The following NAALADL2 variants were observed in gnomAD, a reference collection of about 807,000 sequenced individuals.
The protein encoded by NAALADL2 is inactive N-acetylated-alpha-linked acidic dipeptidase-like protein 2.
NAALADL2 carries 76 observed loss-of-function variants against 87.2 expected under a neutral mutation model. That is an observed-to-expected ratio of 0.87 (90% CI 0.72 to 1.05). The LOEUF is 1.05. Among genes scored for constraint, NAALADL2 ranks in the 50% least tolerant of loss-of-function variants. The pLI is 0.00. For missense variants in NAALADL2, 1,089 were observed against 945.8 expected, an observed-to-expected ratio of 1.15 and a Z score of -1.99; for synonymous variants, 354 against 331.0, an observed-to-expected ratio of 1.07 and a Z score of -0.75.
At chr3:175,344,794 A>G (rs557942734) in intron 5 of NAALADL2, among the ~76,000 whole-genome samples, 1 of 152,256 alleles carries the variant, frequency 6.6e-6, no homozygotes, top group East Asian at 1.9e-4. Context: ...TTTGATGTCA[A>G]TTCTGAAAAA....
At chr3:174,609,225 C>T (rs1183319658) in intron 2 of NAALADL2, among the ~76,000 whole-genome samples, 1 of 152,146 alleles carries the variant, frequency 6.6e-6, no homozygotes, top group Non-Finnish European at 1.5e-5. Flanking sequence ...TGGGCAAAAA[C>T]TGGAAGCATT....
At chr3:174,718,747 A>AG (rs1560169868) in intron 2 of NAALADL2, among the ~76,000 whole-genome samples, 1 of 152,174 alleles carries the variant, frequency 6.6e-6, no homozygotes, top group Non-Finnish European at 1.5e-5. Context: ...AGCCTACAAA[A>AG]TAGCAATTCT....
intron 2 of NAALADL2, among the ~76,000 whole-genome samples, chr3:174,558,924 T>C (rs928592453): frequency 1.2e-4 from 18 of 152,142 alleles, no homozygotes; most frequent in African/African-American, 3.6e-4. Context: ...TCTGTATACA[T>C]GAAAATATGA....
chr3:175,251,407 A>G (rs916668175), intron 3 of NAALADL2, among the ~76,000 whole-genome samples: 1 of 152,216 alleles, frequency 6.6e-6, no homozygotes, highest in Non-Finnish European at 1.5e-5. Flanking sequence ...GCACGTCTCA[A>G]TTACTCTCTC....
At position 175,595,998 on chromosome 3, in the gene NAALADL2, AT is replaced by A. The variant is rs1156932602; in HGVS notation, c.1800+19812del. Among the ~76,000 whole-genome samples the A allele has an allele frequency of 9.9e-5, 15 of 152,146 alleles. No individual in the cohort carries two copies. In the East Asian group the frequency reaches 2.9e-3, roughly 29 times the overall value. On this transcript the variant is annotated intron_variant, in intron 10 of 13. Transcript: ENST00000454872. Reference sequence around the variant, plus strand: ...TAGATCCTGTAAATTACATATAAAAATATCTAACTTCTCCATTTTTTAATTC... The same window carrying A: ...TAGATCCTGTAAATTACATATAAAAAATCTAACTTCTCCATTTTTTAATTC...
intron 13 of NAALADL2, among the ~76,000 whole-genome samples, chr3:175,797,038 G>A (rs1355201089): frequency 1.3e-5 from 2 of 151,866 alleles, no homozygotes; most frequent in Non-Finnish European, 2.9e-5. Flanking sequence ...ATACCACCTG[G>A]AGTTGTTAAT....
intron 11 of NAALADL2, among the ~76,000 whole-genome samples, chr3:175,731,965 AT>A (rs934347729): frequency 1.2e-4 from 18 of 152,142 alleles, no homozygotes; most frequent in African/African-American, 4.1e-4. Flanking sequence ...ATCCTTCTTA[AT>A]TTCTTTTAAA....
intron 2 of NAALADL2, among the ~76,000 whole-genome samples, chr3:175,231,225 T>C (rs16824920): frequency 0.25 from 38,666 of 151,838 alleles, 5,708 homozygotes; most frequent in African/African-American, 0.4. Flanking sequence ...GATGCTACCC[T>C]GGGGATCAAG....
At chr3:175,318,076 A>G (rs1281586202) in intron 4 of NAALADL2, among the ~76,000 whole-genome samples, 4 of 152,174 alleles carry the variant, frequency 2.6e-5, no homozygotes, top group Non-Finnish European at 4.4e-5. Context: ...CAACTGTTAT[A>G]TGACTAACAG....
At chr3:174,894,144 T>C (rs1355320835) in intron 1 of NAALADL2, among the ~76,000 whole-genome samples, 1 of 152,108 alleles carries the variant, frequency 6.6e-6, no homozygotes, top group Non-Finnish European at 1.5e-5. Flanking sequence ...TTCAGCAAGA[T>C]GATACAACAA....
intron 2 of NAALADL2, among the ~76,000 whole-genome samples, chr3:174,593,101 A>G (rs1717548231): frequency 6.6e-6 from 1 of 152,184 alleles, no homozygotes; most frequent in Non-Finnish European, 1.5e-5. Context: ...TTGTAGGACA[A>G]TCAGAATTGT....
chr3:175,666,219 C>T (rs538385301), intron 11 of NAALADL2, among the ~76,000 whole-genome samples: 11 of 151,848 alleles, frequency 7.2e-5, no homozygotes, highest in Non-Finnish European at 1.2e-4. Context: ...AATTTCAGAA[C>T]TGAAGTAAAT....
chr3:175,699,025 A>G (rs1321833477), intron 11 of NAALADL2, among the ~76,000 whole-genome samples: 1 of 152,016 alleles, frequency 6.6e-6, no homozygotes, highest in Non-Finnish European at 1.5e-5. Flanking sequence ...ATACTGTCCT[A>G]CAGATGCACT....
intron 3 of NAALADL2, among the ~76,000 whole-genome samples, chr3:174,743,784 C>T (rs114486247): frequency 0.012 from 1,804 of 151,818 alleles, 35 homozygotes; most frequent in African/African-American, 0.041. Context: ...AACCATCTTA[C>T]AGGCATAAGT....
At chr3:174,823,926 G>T (rs1721706454) in intron 3 of NAALADL2, among the ~76,000 whole-genome samples, 1 of 152,076 alleles carries the variant, frequency 6.6e-6, no homozygotes, top group African/African-American at 2.4e-5. Flanking sequence ...GGCCAGGAAG[G>T]TATAAAATAA....
chr3:175,025,725 G>A (rs575542183), intron 1 of NAALADL2, among the ~76,000 whole-genome samples: 1 of 152,224 alleles, frequency 6.6e-6, no homozygotes, highest in African/African-American at 2.4e-5. Flanking sequence ...AATCTGAAAA[G>A]ACTGGATAAA....
intron 11 of NAALADL2, among the ~76,000 whole-genome samples, chr3:175,692,613 G>A (rs115279182): frequency 1.2e-4 from 19 of 152,202 alleles, no homozygotes; most frequent in African/African-American, 4.3e-4. Flanking sequence ...ATTTCTGTTT[G>A]GAAATCAGTG....
intron 1 of NAALADL2, among the ~76,000 whole-genome samples, chr3:174,882,175 T>C (rs1729271826): frequency 6.6e-6 from 1 of 152,102 alleles, no homozygotes; most frequent in East Asian, 1.9e-4. Flanking sequence ...TTACCACTGA[T>C]TTTCCTAATC....
chr3:175,138,965 T>C lies in NAALADL2; in HGVS notation c.545+41674T>C, dbSNP rs572680050. Among the ~76,000 whole-genome samples, 18 of 147,444 alleles carry C rather than the reference T, an allele frequency of 1.2e-4. No homozygotes were observed. In the East Asian group the frequency reaches 3.0e-3, roughly 24 times the overall value. The stretch of plus-strand genomic sequence containing the variant: ...TATTTCTGTTATCCTTTGTTTATTT[T>C]ACAAATATCTTTTCAAGAGTTGCAA... On this transcript the variant is annotated intron_variant, in intron 2 of 13. Transcript: ENST00000454872.
Sources: gnomAD v4.1 joint callset for allele counts (sites outside exome capture counted in the v4.1 genomes callset) on GRCh38, gnomAD v4.1.1 for gene constraint, MANE v1.5 for transcripts, NCBI Gene and HGNC (gene_info 2026-07-23, HGNC 2026-07-21) for gene names.